The following CELF2 variants were observed in gnomAD, a reference collection of about 807,000 sequenced individuals.
CELF2 encodes the protein CUGBP Elav-like family member 2, also known as CUG triplet repeat RNA-binding protein 2.
In CELF2, 8 loss-of-function variants were observed where a neutral mutation model predicts 62.6. That is an observed-to-expected ratio of 0.13 (90% CI 0.07 to 0.23). The LOEUF (loss-of-function observed/expected upper bound fraction) is 0.23, where lower values mean the gene tolerates loss of function less well. Ranked by LOEUF, CELF2 falls within the 10% of genes least tolerant of loss-of-function variation. The pLI is 1.00. For synonymous variants in CELF2, 258 were observed against 250.0 expected (o/e 1.03, Z -0.30); for missense variants, 333 against 671.0 (o/e 0.50, Z 5.56).
intron 1 of CELF2, among the ~76,000 whole-genome samples, chr10:10,842,346 A>G (rs61832094): frequency 6.6e-6 from 1 of 152,114 alleles, no homozygotes; most frequent in African/African-American, 2.4e-5. Flanking sequence ...GAGTGATAAG[A>G]AAGGACATCT....
chr10:11,137,314 T>C (rs2060593869), intron 1 of CELF2, among the ~76,000 whole-genome samples: 1 of 152,214 alleles, frequency 6.6e-6, no homozygotes. Context: ...TTTCAGTAGA[T>C]CTTCTGGAGT....
chr10:10,661,292 T>C, the CELF2 span, among the ~76,000 whole-genome samples: 1 of 152,220 alleles, frequency 6.6e-6, no homozygotes, highest in African/African-American at 2.4e-5. Context: ...ATCTGGTCTC[T>C]CTCAGCAAGA....
the CELF2 span, among the ~76,000 whole-genome samples, chr10:10,744,162 T>C: frequency 3.9e-5 from 6 of 152,188 alleles, no homozygotes; most frequent in Non-Finnish European, 8.8e-5. Context: ...CGAGTGCCAG[T>C]ATTGCCAGCC....
chr10:11,043,561 G>A (rs779715394), intron 1 of CELF2, among the ~76,000 whole-genome samples: 5 of 151,982 alleles, frequency 3.3e-5, no homozygotes, highest in African/African-American at 7.3e-5. Flanking sequence ...GCAGACTTCC[G>A]TGTCCTGAAT....
upstream of CELF2, among the ~76,000 whole-genome samples, chr10:11,014,992 G>A (rs1250744593): frequency 6.6e-6 from 1 of 152,168 alleles, no homozygotes; most frequent in Non-Finnish European, 1.5e-5. Context: ...GTCACCAACC[G>A]GTTCATATCC....
At chr10:10,896,501 T>C (rs144153312) in intron 1 of CELF2, among the ~76,000 whole-genome samples, 209 of 151,958 alleles carry the variant, frequency 1.4e-3, no homozygotes, top group East Asian at 5.4e-3. Context: ...ATAGTTAAGA[T>C]GGGGTCACAC....
chr10:10,674,779 C>A, the CELF2 span, among the ~76,000 whole-genome samples: 7 of 145,068 alleles, frequency 4.8e-5, no homozygotes, highest in Non-Finnish European at 7.4e-5. Context: ...AACACTGTGC[C>A]ACTTGTGTGA....
the CELF2 span, among the ~76,000 whole-genome samples, chr10:10,675,236 GA>G: frequency 2.0e-5 from 3 of 151,992 alleles, no homozygotes; most frequent in Non-Finnish European, 2.9e-5. Context: ...CCTCACTACT[GA>G]AAAATAACTT....
rs1039745545 is a variant in CELF2 at position 11,017,872 on chromosome 10, G to T, written c.-218G>T. On this transcript the variant is annotated 5_prime_UTR_variant, in exon 1 of 13. Coordinates refer to ENST00000633077, the MANE Select transcript of CELF2 (RefSeq NM_001326342.2). The surrounding 1 kb of genome is among the most constrained non-coding windows in gnomAD (Gnocchi z 5.5). Reference sequence around the variant, plus strand: ...CGGCGGCGGGCGCCCCGCGAGCTCCGCCCCCGCCCGCCGCACCTGGCGCTC... The same window carrying T: ...CGGCGGCGGGCGCCCCGCGAGCTCCTCCCCCGCCCGCCGCACCTGGCGCTC... 2.3e-6 allele frequency: 2 copies of T among 876,702 alleles called. No individual in the cohort carries two copies. Among genetic ancestry groups the T allele is most frequent in the Admixed American group, 6.4e-5 (1 of 15,740 alleles). The allele number at this position is 876,702 out of a possible 1,614,324, so 54.3% of individuals were successfully genotyped here. A position where few individuals can be genotyped will look rare whatever the true frequency, so the allele number is the denominator to read the frequency against.
chr10:10,743,140 T>C, the CELF2 span, among the ~76,000 whole-genome samples: 1 of 152,198 alleles, frequency 6.6e-6, no homozygotes, highest in Admixed American at 6.5e-5. Context: ...ATTTCCCCAC[T>C]GCAGACACTC....
intron 5 of CELF2, 55 bp downstream of exon 5, chr10:11,257,927 T>G (rs1331951315): frequency 6.2e-7 from 1 of 1,602,896 alleles, no homozygotes; most frequent in Admixed American, 1.7e-5. Flanking sequence ...GAGCTCTGTG[T>G]CACAGTCGAG....
chr10:11,210,150 A>T (rs1408229603), intron 2 of CELF2, among the ~76,000 whole-genome samples: 5 of 152,202 alleles, frequency 3.3e-5, no homozygotes, highest in Non-Finnish European at 7.3e-5. Flanking sequence ...CTGAATTCGA[A>T]TATAACTCGA....
At chr10:10,620,484 C>A in the CELF2 span, among the ~76,000 whole-genome samples, 1 of 147,664 alleles carries the variant, frequency 6.8e-6, no homozygotes, top group Non-Finnish European at 1.5e-5. Context: ...GAGATTAGTA[C>A]GTTTACCAGA....
intron 1 of CELF2, among the ~76,000 whole-genome samples, chr10:10,802,312 A>G (rs547116055): frequency 3.9e-5 from 6 of 152,206 alleles, no homozygotes; most frequent in African/African-American, 9.6e-5. Flanking sequence ...CCTACTAAAA[A>G]TACAAAAATT....
rs1220696715 is a variant in CELF2, at chr10:11,207,278, G to A, written c.272-10147G>A. On this transcript the variant is annotated intron_variant, in intron 2 of 12. Transcript: ENST00000633077. This position sits in a 1 kb window ranked among gnomAD's most constrained non-coding sequence, Gnocchi z 4.1. ...GAAAGAAAGAAACTCCATTTTCCTC[G>A]CAGAAAACAGGGAGCTTGCTAGTCT... Among the ~76,000 whole-genome samples the A allele has an allele frequency of 2.0e-5, 3 of 151,328 alleles. No homozygotes were observed. Among genetic ancestry groups the A allele is most frequent in the South Asian group, 2.1e-4 (1 of 4,794 alleles).
chr10:10,988,994 ATTTAAGGACAGTGTAC>A (rs1169517892), intron 2 of CELF2, among the ~76,000 whole-genome samples: 1 of 152,176 alleles, frequency 6.6e-6, no homozygotes, highest in African/African-American at 2.4e-5. Flanking sequence ...ATCTGTATGA[ATTTAAGGACAGTGTAC>A]TGAAAAAAAT....
chr10:10,845,146 C>T (rs566170854), intron 1 of CELF2, among the ~76,000 whole-genome samples: 10 of 152,094 alleles, frequency 6.6e-5, no homozygotes, highest in Middle Eastern at 6.8e-3. Context: ...CCATCATAGA[C>T]GAGAAATTGC....
intron 8 of CELF2, among the ~76,000 whole-genome samples, chr10:11,276,868 A>G (rs893087684): frequency 6.6e-6 from 1 of 152,206 alleles, no homozygotes; most frequent in African/African-American, 2.4e-5. Flanking sequence ...CTCATTTGAA[A>G]ACTGAGGGTA....
chr10:11,039,356 A>T lies in CELF2; in HGVS notation c.74+21193A>T, dbSNP rs575814096. Among the ~76,000 whole-genome samples, 187 of 152,328 alleles carry T rather than the reference A, an allele frequency of 1.2e-3. 1 individual carries two copies. Among genetic ancestry groups the T allele is most frequent in the African/African-American group, 4.3e-3 (178 of 41,586 alleles). ...GATTTGGGATGTAAGCTCATCTCAA[A>T]TGTAGCCCATCAAAGCTATTAAATA... is the stretch of plus-strand genomic sequence containing the variant. On this transcript the variant is annotated intron_variant, in intron 1 of 12. Transcript: ENST00000633077. The surrounding 1 kb of genome is among the most constrained non-coding windows in gnomAD (Gnocchi z 4.1).
Sources: allele counts gnomAD v4.1 joint callset (sites outside exome capture counted in the v4.1 genomes callset), GRCh38; gene constraint gnomAD v4.1.1; non-coding constraint Gnocchi (gnomAD v3.1); transcripts MANE v1.5; gene names NCBI Gene and HGNC (gene_info 2026-07-23, HGNC 2026-07-21).